MACROD2: variants seen among roughly 807,000 people sequenced by gnomAD.
MACROD2 encodes mono-ADP ribosylhydrolase 2.
Under a neutral mutation model 70.4 loss-of-function variants are expected in MACROD2, and 36 were observed. The observed-to-expected ratio is 0.51, with a 90% CI of 0.39 to 0.68. The LOEUF (loss-of-function observed/expected upper bound fraction) is 0.68. Among genes scored for constraint, MACROD2 ranks in the 30% least tolerant of loss-of-function variants. The pLI is 0.00. For synonymous variants in MACROD2, 172 were observed against 178.8 expected, an observed-to-expected ratio of 0.96 and a Z score of 0.30; for missense variants, 496 against 538.4, an observed-to-expected ratio of 0.92 and a Z score of 0.78.
At chr20:14,713,682 A>C (rs529871406) in intron 5 of MACROD2, among the ~76,000 whole-genome samples, 2 of 152,192 alleles carry the variant, frequency 1.3e-5, no homozygotes, top group Non-Finnish European at 2.9e-5. Context: ...AAGGCACAGA[A>C]AAATATACAA....
intron 8 of MACROD2, among the ~76,000 whole-genome samples, chr20:15,678,421 A>G (rs551728742): frequency 0.013 from 1,903 of 150,850 alleles, 32 homozygotes; most frequent in African/African-American, 0.043. Flanking sequence ...GTGCAGTGGC[A>G]TGATCTCGGC....
At chr20:14,917,085 C>T (rs2122620229) in intron 5 of MACROD2, among the ~76,000 whole-genome samples, 1 of 151,388 alleles carries the variant, frequency 6.6e-6, no homozygotes, top group South Asian at 2.1e-4. Context: ...GGTGGAGTGT[C>T]CTGCCAAGTC....
intron 3 of MACROD2, among the ~76,000 whole-genome samples, chr20:14,334,432 A>G (rs1045732389): frequency 6.6e-6 from 1 of 152,198 alleles, no homozygotes; most frequent in Non-Finnish European, 1.5e-5. Flanking sequence ...GAGCTGAGAA[A>G]CATCCCTTTT....
At chr20:15,413,962 C>T (rs549768068) in intron 6 of MACROD2, among the ~76,000 whole-genome samples, 6 of 152,252 alleles carry the variant, frequency 3.9e-5, no homozygotes, top group Middle Eastern at 3.4e-3. Context: ...TATATGTTAA[C>T]GTACATGTGG....
intron 10 of MACROD2, among the ~76,000 whole-genome samples, chr20:15,929,562 C>T (rs1402901032): frequency 6.6e-6 from 1 of 152,102 alleles, no homozygotes; most frequent in Non-Finnish European, 1.5e-5. Flanking sequence ...ATCTATAGAC[C>T]TTTAGAAGAA....
chr20:15,564,972 C>A (rs542279925), intron 8 of MACROD2, among the ~76,000 whole-genome samples: 9 of 152,240 alleles, frequency 5.9e-5, no homozygotes, highest in African/African-American at 2.2e-4. Context: ...CACAATTCAC[C>A]TTTAAATTTT....
In MACROD2 at chr20:14,549,261, T is replaced by C. The variant is rs150984140; in HGVS notation, c.301+55753T>C. On this transcript the variant is annotated intron_variant, in intron 4 of 17. Transcript: ENST00000684519. ...CTATATTTGGGGGGAGAGGAGGAAT[T>C]ACTTAAGAAGGTAGTTTCTTCATAT... Among the ~76,000 whole-genome samples, 319 of 152,310 alleles carry C rather than the reference T, an allele frequency of 2.1e-3. 1 individual carries two copies. The highest frequency in any genetic ancestry group is 7.9e-3 in the South Asian group (38 of 4,826).
At chr20:14,580,745 T>A (rs1295260139) in intron 4 of MACROD2, among the ~76,000 whole-genome samples, 1 of 152,214 alleles carries the variant, frequency 6.6e-6, no homozygotes, top group East Asian at 1.9e-4. Flanking sequence ...AAGCTTGAAG[T>A]TAACAAGTTT....
intron 8 of MACROD2, among the ~76,000 whole-genome samples, chr20:15,737,859 A>AATGGATGG (rs74175640): frequency 2.8e-3 from 416 of 149,818 alleles, no homozygotes; most frequent in Middle Eastern, 0.01. Context: ...TAAATAAATC[A>AATGGATGG]ATGGATGGAT....
intron 2 of MACROD2, among the ~76,000 whole-genome samples, chr20:14,065,929 T>TATTG (rs1601179751): frequency 6.6e-6 from 1 of 152,134 alleles, no homozygotes; most frequent in African/African-American, 2.4e-5. Flanking sequence ...GGGAAAGGAA[T>TATTG]ATTGGACTGC....
intron 5 of MACROD2, among the ~76,000 whole-genome samples, chr20:15,115,612 A>G (rs984078099): frequency 6.6e-6 from 1 of 152,204 alleles, no homozygotes; most frequent in African/African-American, 2.4e-5. Context: ...GGATTTTAGA[A>G]TCAGAATCCT....
intron 7 of MACROD2, among the ~76,000 whole-genome samples, chr20:15,491,424 G>C (rs537126251): frequency 6.6e-6 from 1 of 152,324 alleles, no homozygotes; most frequent in East Asian, 1.9e-4. Context: ...GTCATGGTTT[G>C]ACTACCCCCA....
intron 3 of MACROD2, among the ~76,000 whole-genome samples, chr20:14,353,130 T>C (rs759915077): frequency 2.0e-5 from 3 of 152,150 alleles, no homozygotes; most frequent in Non-Finnish European, 4.4e-5. Flanking sequence ...AAAGTCCAAA[T>C]AGGGGGTCTA....
chr20:14,369,276 C>A lies in MACROD2; in HGVS notation c.272-124203C>A, dbSNP rs937747884. ...GTTATTCCCCAAGGGATTTCCCATA[C>A]AGGTTATAGCAAATGTAGTTTTTTG... On this transcript the variant is annotated intron_variant, in intron 3 of 17. Transcript: ENST00000684519. 2.3e-5 allele frequency among the ~76,000 whole-genome samples: 3 copies of A among 130,188 alleles called. No individual in the cohort carries two copies. In the Admixed American group the frequency reaches 2.4e-4, roughly 10 times the overall value. 85.4% of individuals were successfully genotyped at this position (130,188 alleles called of 152,430 possible).
At chr20:14,931,035 A>G (rs2074291178) in intron 5 of MACROD2, among the ~76,000 whole-genome samples, 1 of 152,060 alleles carries the variant, frequency 6.6e-6, no homozygotes. Context: ...AGTACCTACC[A>G]AGTCCCAGGC....
At chr20:15,937,954 C>T (rs995083377) in intron 12 of MACROD2, among the ~76,000 whole-genome samples, 2 of 150,990 alleles carry the variant, frequency 1.3e-5, no homozygotes, top group Non-Finnish European at 2.9e-5. Context: ...CACCATTTTT[C>T]AAAAAAGAAA....
At chr20:15,766,965 C>T (rs17626441) in intron 8 of MACROD2, among the ~76,000 whole-genome samples, 31 of 152,216 alleles carry the variant, frequency 2.0e-4, no homozygotes, top group African/African-American at 7.0e-4. Context: ...TGTCTCTGAT[C>T]GTGTAAGATT....
chr20:14,998,825 G>A (rs2074971073), intron 5 of MACROD2, among the ~76,000 whole-genome samples: 1 of 152,104 alleles, frequency 6.6e-6, no homozygotes, highest in African/African-American at 2.4e-5. Context: ...ACTACATCAA[G>A]GCATTTAATA....
intron 5 of MACROD2, among the ~76,000 whole-genome samples, chr20:15,130,495 C>A (rs529176336): frequency 4.2e-4 from 64 of 152,118 alleles, no homozygotes; most frequent in Middle Eastern, 3.4e-3. Context: ...GCTAATGAGG[C>A]AGGCTGAGAG....
Sources: gnomAD v4.1 joint callset for allele counts (sites outside exome capture counted in the v4.1 genomes callset) on GRCh38, gnomAD v4.1.1 for gene constraint, MANE v1.5 for transcripts, NCBI Gene and HGNC (gene_info 2026-07-23, HGNC 2026-07-21) for gene names.